Variants in NKAIN3 observed in about 807,000 individuals in gnomAD.
NKAIN3 encodes sodium/potassium transporting ATPase interacting 3.
In NKAIN3, 25 loss-of-function variants were observed where a neutral mutation model predicts 30.2. The ratio of observed to expected loss-of-function variants is 0.83; its 90% CI spans 0.60 to 1.16. NKAIN3 has a LOEUF of 1.16. Ranked by LOEUF, NKAIN3 falls within the 50% of genes most tolerant of loss-of-function variation. The probability of loss-of-function intolerance (pLI) is 0.00; values close to 1 mark genes in which losing one functional copy is unlikely to be tolerated. For synonymous variants in NKAIN3, 91 were observed against 89.6 expected (o/e 1.02, Z -0.09); for missense variants, 225 against 254.1 (o/e 0.89, Z 0.78).
intron 4 of NKAIN3, among the ~76,000 whole-genome samples, chr8:62,807,126 A>G (rs998818164): frequency 6.6e-6 from 1 of 152,194 alleles, no homozygotes; most frequent in African/African-American, 2.4e-5. Flanking sequence ...GCACATATGC[A>G]TTTGTGAAGA....
intron 3 of NKAIN3, among the ~76,000 whole-genome samples, chr8:62,629,495 C>G (rs551153713): frequency 6.6e-6 from 1 of 152,118 alleles, no homozygotes; most frequent in African/African-American, 2.4e-5. Flanking sequence ...ACATCCATAG[C>G]AGCACATACT....
chr8:62,519,511 T>G (rs906709713), intron 1 of NKAIN3, among the ~76,000 whole-genome samples: 3 of 152,132 alleles, frequency 2.0e-5, no homozygotes, highest in Non-Finnish European at 2.9e-5. Context: ...AGCATCTTCT[T>G]TTGGTATCAT....
intron 1 of NKAIN3, among the ~76,000 whole-genome samples, chr8:62,317,238 T>TA (rs1189936634): frequency 6.6e-6 from 1 of 152,110 alleles, no homozygotes; most frequent in Non-Finnish European, 1.5e-5. Context: ...TGTTCACTCT[T>TA]ATAGTAGTTT....
chr8:62,551,542 T>G (rs1411817609), intron 1 of NKAIN3, among the ~76,000 whole-genome samples: 1 of 152,234 alleles, frequency 6.6e-6, no homozygotes, highest in East Asian at 1.9e-4. Flanking sequence ...TGTTTGGTGC[T>G]GGAATAGGGC....
chr8:62,275,434 G>T (rs1335816103), intron 1 of NKAIN3, among the ~76,000 whole-genome samples: 1 of 152,264 alleles, frequency 6.6e-6, no homozygotes, highest in East Asian at 1.9e-4. Context: ...AAAAAGTGGA[G>T]AAAGAAATTT....
intron 4 of NKAIN3, among the ~76,000 whole-genome samples, chr8:62,790,093 G>A (rs4621804): frequency 0.19 from 29,447 of 151,912 alleles, 3,279 homozygotes; most frequent in African/African-American, 0.29. Flanking sequence ...ATCCAGCAAC[G>A]CAGCAAAAAG....
chr8:62,322,647 A>G (rs561444358), intron 1 of NKAIN3, among the ~76,000 whole-genome samples: 1 of 152,342 alleles, frequency 6.6e-6, no homozygotes, highest in Admixed American at 6.5e-5. Flanking sequence ...TACAGTTGCT[A>G]AATAAATACT....
At chr8:62,250,868 T>TA (rs200674747) in intron 1 of NKAIN3, among the ~76,000 whole-genome samples, 2,529 of 152,016 alleles carry the variant, frequency 0.017, 77 homozygotes, top group East Asian at 0.11. Flanking sequence ...AAATCCCTTA[T>TA]ATTCCTATAA....
chr8:62,865,354 A>T (rs1820385410), intron 4 of NKAIN3, among the ~76,000 whole-genome samples: 1 of 152,208 alleles, frequency 6.6e-6, no homozygotes, highest in Non-Finnish European at 1.5e-5. Flanking sequence ...GTGTTCCCAG[A>T]GCGTTGGACA....
chr8:62,466,354 G>A lies in NKAIN3; in HGVS notation c.55-113185G>A, dbSNP rs551799167. Reference sequence around the variant, plus strand: ...TTTTTCTCCAAAATATGTGATTTACGTTTCCTTAATTTCATTAAAGATCAG... The same window carrying A: ...TTTTTCTCCAAAATATGTGATTTACATTTCCTTAATTTCATTAAAGATCAG... On this transcript the variant is annotated intron_variant, in intron 1 of 6. Coordinates refer to ENST00000623646, the MANE Select transcript of NKAIN3 (RefSeq NM_001304533.3). 1.4e-4 allele frequency among the ~76,000 whole-genome samples: 22 copies of A among 151,994 alleles called. No individual in the cohort carries two copies. In the South Asian group the frequency reaches 1.7e-3, roughly 11 times the overall value.
At chr8:62,901,308 TG>T (rs1477181126) in intron 4 of NKAIN3, among the ~76,000 whole-genome samples, 4 of 152,106 alleles carry the variant, frequency 2.6e-5, no homozygotes, top group African/African-American at 9.7e-5. Flanking sequence ...TAACAAAAGA[TG>T]GTACTGAACT....
At chr8:62,397,262 TA>T (rs5891852) in intron 1 of NKAIN3, among the ~76,000 whole-genome samples, 64,162 of 149,890 alleles carry the variant, frequency 0.43, 15,574 homozygotes, top group Non-Finnish European at 0.54. Context: ...TCTTTTTCCT[TA>T]AAAAAAAAAG....
chr8:62,375,548 T>C (rs1297748527), intron 1 of NKAIN3, among the ~76,000 whole-genome samples: 3 of 152,264 alleles, frequency 2.0e-5, no homozygotes, highest in East Asian at 1.9e-4. Flanking sequence ...TGAACTTCGA[T>C]TGATTTTTTG....
chr8:62,863,461 A>G, intron 4 of NKAIN3: 1 of 1,552,358 alleles, frequency 6.4e-7, no homozygotes, highest in Non-Finnish European at 8.8e-7. Context: ...TAACCCTTGA[A>G]GGAAATGTCA....
intron 1 of NKAIN3, among the ~76,000 whole-genome samples, chr8:62,528,329 ATATATTATATAATAT>A (rs1158849607): frequency 1.6e-4 from 5 of 31,540 alleles, no homozygotes; most frequent in African/African-American, 2.8e-4. Flanking sequence ...TATATAATAT[ATATATTATATAATAT>A]ATATATATAT....
At chr8:62,894,292 G>A (rs1047017402) in intron 4 of NKAIN3, among the ~76,000 whole-genome samples, 3 of 152,088 alleles carry the variant, frequency 2.0e-5, no homozygotes, top group Admixed American at 6.6e-5. Context: ...ATATAATGAA[G>A]CTGGGTCCAT....
chr8:62,712,220 CG>C (rs1344023864), intron 3 of NKAIN3, among the ~76,000 whole-genome samples: 2 of 152,082 alleles, frequency 1.3e-5, no homozygotes, highest in Non-Finnish European at 2.9e-5. Flanking sequence ...TGGCCTCCTG[CG>C]AGGAGGTGGC....
chr8:62,681,490 C>T (rs1261873453), intron 3 of NKAIN3, among the ~76,000 whole-genome samples: 3 of 152,082 alleles, frequency 2.0e-5, no homozygotes, highest in African/African-American at 7.2e-5. Context: ...CTTATTTTTT[C>T]AGATTGTGGT....
At chr8:62,775,593 C>T (rs565425004) in intron 4 of NKAIN3, among the ~76,000 whole-genome samples, 50 of 152,016 alleles carry the variant, frequency 3.3e-4, no homozygotes, top group African/African-American at 1.1e-3. Context: ...TAGGTTTTTG[C>T]AGGTCATGTT....
Sources: gnomAD v4.1 joint callset for allele counts (sites outside exome capture counted in the v4.1 genomes callset) on GRCh38, gnomAD v4.1.1 for gene constraint, MANE v1.5 for transcripts, NCBI Gene and HGNC (gene_info 2026-07-23, HGNC 2026-07-21) for gene names.